The following SKAP2 variants were observed in gnomAD, a reference collection of about 807,000 sequenced individuals.
The protein encoded by SKAP2 is src kinase-associated phosphoprotein 2.
A neutral mutation model predicts 54.9 loss-of-function variants in SKAP2; 28 were observed. That is an observed-to-expected ratio of 0.51 (90% CI 0.38 to 0.70). The LOEUF (loss-of-function observed/expected upper bound fraction) is 0.70, where lower values mean the gene tolerates loss of function less well. Among genes scored for constraint, SKAP2 ranks in the 30% least tolerant of loss-of-function variants. The pLI, the probability that SKAP2 is intolerant of heterozygous loss-of-function variation, is 0.00. For synonymous variants in SKAP2, 137 were observed against 134.3 expected (o/e 1.02, Z -0.14); for missense variants, 356 against 424.1 (o/e 0.84, Z 1.41).
intron 4 of SKAP2, among the ~76,000 whole-genome samples, chr7:26,842,847 T>A (rs1432147575): frequency 6.6e-6 from 1 of 151,832 alleles, no homozygotes; most frequent in Non-Finnish European, 1.5e-5. Flanking sequence ...AAAGAAATGC[T>A]TATCTCTTTA....
In SKAP2 at chr7:26,674,603, A is replaced by T. The variant is rs117399471; in HGVS notation, c.988-4411T>A. The stretch of plus-strand genomic sequence containing the variant: ...GAGGAAACTGACACAATCTCTAAGG[A>T]CCTCCATGATGTTTGAGCACCACCA... On this transcript the variant is annotated intron_variant, in intron 11 of 12. Transcript: ENST00000345317. Among the ~76,000 whole-genome samples, 247 of 152,210 alleles carry T rather than the reference A, an allele frequency of 1.6e-3. 1 individual carries two copies. The highest frequency in any genetic ancestry group is 6.8e-3 in the Middle Eastern group (2 of 294).
intron 3 of SKAP2, chr7:26,847,976 G>C (rs1053266269): frequency 2.3e-4 from 35 of 152,272 alleles, no homozygotes; most frequent in African/African-American, 8.2e-4. Context: ...CAGAATAAAA[G>C]ACAATGATCC....
chr7:26,803,083 C>T (rs1390187615), intron 4 of SKAP2, among the ~76,000 whole-genome samples: 3 of 152,046 alleles, frequency 2.0e-5, no homozygotes, highest in African/African-American at 4.8e-5. Context: ...AGCAAAACCC[C>T]GCAAGCACAG....
At chr7:26,688,870 A>G (rs190395563) in intron 10 of SKAP2, among the ~76,000 whole-genome samples, 2 of 152,290 alleles carry the variant, frequency 1.3e-5, no homozygotes, top group African/African-American at 4.8e-5. Context: ...TCTTAAAAAG[A>G]AAACTACATA....
At chr7:26,751,286 TAA>T (rs778985639) in intron 4 of SKAP2, among the ~76,000 whole-genome samples, 3 of 151,962 alleles carry the variant, frequency 2.0e-5, no homozygotes, top group Non-Finnish European at 2.9e-5. Context: ...ACAAGAAAAA[TAA>T]GTGACAAATG....
At position 26,668,092 on chromosome 7, in the gene SKAP2, A is replaced by G. The variant is rs916353066; in HGVS notation, c.*1574T>C. 11 of 152,018 alleles carry G rather than the reference A, an allele frequency of 7.2e-5. No homozygotes were observed. Among genetic ancestry groups the G allele is most frequent in the African/African-American group, 2.7e-4 (11 of 41,388 alleles). 9.4% of individuals were successfully genotyped at this position (152,018 alleles called of 1,614,324 possible). Reference sequence around the variant, plus strand: ...ACATTTGAGATTGGATGATCATGATATTGAGGGGGTAATGGTAAAGCAGAC... The same window carrying G: ...ACATTTGAGATTGGATGATCATGATGTTGAGGGGGTAATGGTAAAGCAGAC... On this transcript the variant is annotated 3_prime_UTR_variant, in exon 13 of 13. Transcript: ENST00000345317.
chr7:26,790,509 T>C (rs1462014657), intron 4 of SKAP2, among the ~76,000 whole-genome samples: 4 of 152,190 alleles, frequency 2.6e-5, no homozygotes, highest in Non-Finnish European at 5.9e-5. Context: ...TCAGAAGAAA[T>C]ACTAACAAAA....
chr7:26,705,334 A>T (rs539542091), intron 9 of SKAP2, among the ~76,000 whole-genome samples: 2 of 152,370 alleles, frequency 1.3e-5, no homozygotes, highest in East Asian at 3.9e-4. Flanking sequence ...GCAATCAAAC[A>T]TGTAAATTTA....
At chr7:26,837,597 C>T (rs1784741482) in intron 4 of SKAP2, among the ~76,000 whole-genome samples, 2 of 152,136 alleles carry the variant, frequency 1.3e-5, no homozygotes, top group South Asian at 4.1e-4. Context: ...GGATTTGCCC[C>T]ATGATCCAAA....
intron 4 of SKAP2, among the ~76,000 whole-genome samples, chr7:26,774,515 GTGTATGTA>G (rs1783261032): frequency 6.6e-6 from 1 of 151,166 alleles, no homozygotes; most frequent in Non-Finnish European, 1.5e-5. Flanking sequence ...GTGTGTGTGT[GTGTATGTA>G]TATATATATA....
chr7:26,778,164 A>C (rs981411094), intron 4 of SKAP2, among the ~76,000 whole-genome samples: 1 of 152,042 alleles, frequency 6.6e-6, no homozygotes, highest in Non-Finnish European at 1.5e-5. Context: ...CATTATTGGT[A>C]TATACGAAAG....
chr7:26,849,495 C>T (rs1410059616), intron 3 of SKAP2, among the ~76,000 whole-genome samples: 1 of 151,856 alleles, frequency 6.6e-6, no homozygotes, highest in African/African-American at 2.4e-5. Context: ...ACCAGCCTGA[C>T]CAACATGGTG....
intron 11 of SKAP2, among the ~76,000 whole-genome samples, chr7:26,670,566 A>G (rs146081036): frequency 6.6e-6 from 1 of 152,200 alleles, no homozygotes; most frequent in East Asian, 1.9e-4. Flanking sequence ...TTAAGCTATT[A>G]TATTTGCCTT....
rs76172540 is a variant in SKAP2, at chr7:26,855,040, A to G, written c.68-150T>C. The G allele has an allele frequency of 1.0e-2, 5,353 of 537,116 alleles. 232 individuals are homozygous for G. The highest frequency in any genetic ancestry group is 0.091 in the African/African-American group (4,751 of 52,218). The allele number at this position is 537,116 out of a possible 1,614,324, so 33.3% of individuals were successfully genotyped here. Reference sequence around the variant, plus strand: ...TATCATTCCAAAGCATAACAGTTGAAGTGTGTTTCAAATACTAAGTTGAAC... The same window carrying G: ...TATCATTCCAAAGCATAACAGTTGAGGTGTGTTTCAAATACTAAGTTGAAC... On this transcript the variant is annotated intron_variant, in intron 1 of 12. Coordinates refer to ENST00000345317, the MANE Select transcript of SKAP2 (RefSeq NM_003930.5).
chr7:26,675,874 C>A (rs997264443), intron 11 of SKAP2, among the ~76,000 whole-genome samples: 1 of 152,136 alleles, frequency 6.6e-6, no homozygotes, highest in African/African-American at 2.4e-5. Flanking sequence ...AGCTTAAATC[C>A]CATGTGCAGA....
intron 4 of SKAP2, among the ~76,000 whole-genome samples, chr7:26,816,676 T>C (rs1436183122): frequency 6.6e-6 from 1 of 152,140 alleles, no homozygotes; most frequent in Non-Finnish European, 1.5e-5. Context: ...CTTTGGATTT[T>C]GTCTCAAACA....
chr7:26,731,779 C>G (rs1584356817), intron 6 of SKAP2, among the ~76,000 whole-genome samples: 1 of 152,098 alleles, frequency 6.6e-6, no homozygotes, highest in African/African-American at 2.4e-5. Context: ...AACCAGAAAA[C>G]TGGGCACCAT....
intron 4 of SKAP2, among the ~76,000 whole-genome samples, 195 bp from the exon 5 acceptor site, chr7:26,740,159 A>T (rs915839050): frequency 1.2e-4 from 2 of 16,790 alleles, no homozygotes; most frequent in South Asian, 1.8e-3. Flanking sequence ...AGTAAAAAAA[A>T]AAAAAAAAAA....
intron 4 of SKAP2, among the ~76,000 whole-genome samples, chr7:26,774,617 C>T (rs1783264374): frequency 6.6e-6 from 1 of 152,058 alleles, no homozygotes; most frequent in Non-Finnish European, 1.5e-5. Context: ...GGTGACTATC[C>T]TCACTCACTC....
Sources: gnomAD v4.1 joint callset for allele counts (sites outside exome capture counted in the v4.1 genomes callset) on GRCh38, gnomAD v4.1.1 for gene constraint, MANE v1.5 for transcripts, NCBI Gene and HGNC (gene_info 2026-07-23, HGNC 2026-07-21) for gene names.